The following RUFY2 variants were observed in gnomAD, a reference collection of about 807,000 sequenced individuals.
The protein encoded by RUFY2 is RUN and FYVE domain containing 2.
Under a neutral mutation model 94.4 loss-of-function variants are expected in RUFY2, and 49 were observed. That is an observed-to-expected ratio of 0.52 (90% CI 0.41 to 0.66). The LOEUF is 0.66. Ranked by LOEUF, RUFY2 falls within the 30% of genes least tolerant of loss-of-function variation. The pLI, the probability that RUFY2 is intolerant of heterozygous loss-of-function variation, is 0.00. For missense variants in RUFY2, 541 were observed against 692.8 expected, an observed-to-expected ratio of 0.78 and a Z score of 2.46; for synonymous variants, 255 against 235.7, an observed-to-expected ratio of 1.08 and a Z score of -0.75.
At chr10:68,363,495 C>T in intron 15 of RUFY2, 95 bp downstream of exon 15, 2 of 771,088 alleles carry the variant, frequency 2.6e-6, no homozygotes, top group Non-Finnish European at 2.0e-6. Context: ...CGTATCTTTC[C>T]TATATTTAAA....
Position 68,345,664 on chromosome 10 carries a change from A to G in RUFY2, c.*104T>C. 1 of 963,766 alleles carries G rather than the reference A, an allele frequency of 1.0e-6. No homozygotes were observed. The allele number at this position is 963,766 out of a possible 1,614,324, so 59.7% of individuals were successfully genotyped here. A position where few individuals can be genotyped will look rare whatever the true frequency, so the allele number is the denominator to read the frequency against. Reference sequence around the variant, plus strand: ...TGTAGAAGATAAACTGGTACCAAATACTGACCGAAAGCCGCTTAAGGAGAG... The same window carrying G: ...TGTAGAAGATAAACTGGTACCAAATGCTGACCGAAAGCCGCTTAAGGAGAG... On this transcript the variant is annotated 3_prime_UTR_variant, in exon 18 of 18. Transcript: ENST00000602465.
intron 7 of RUFY2, 94 bp downstream of exon 7, chr10:68,393,044 G>A: frequency 2.0e-6 from 1 of 509,344 alleles, no homozygotes; most frequent in Non-Finnish European, 3.4e-6. Flanking sequence ...CCTTCTCAAA[G>A]ACTCTTAGAA....
At chr10:68,398,279 T>G (rs986584317) in intron 3 of RUFY2, among the ~76,000 whole-genome samples, 6 of 152,064 alleles carry the variant, frequency 3.9e-5, no homozygotes, top group African/African-American at 1.4e-4. Context: ...TGCTTACTGG[T>G]TTTCAAATGT....
At chr10:68,391,096 G>A (rs920930777) in intron 7 of RUFY2, among the ~76,000 whole-genome samples, 1 of 151,606 alleles carries the variant, frequency 6.6e-6, no homozygotes. Context: ...CACCATGCCT[G>A]GCTAATTTTT....
At chr10:68,365,705 A>G (rs764091111) in intron 13 of RUFY2, among the ~76,000 whole-genome samples, 4 of 152,254 alleles carry the variant, frequency 2.6e-5, no homozygotes, top group Non-Finnish European at 4.4e-5. Context: ...TTGTGAACAT[A>G]ATTATGCAGT....
chr10:68,356,099 G>A (rs2047038834), intron 15 of RUFY2, among the ~76,000 whole-genome samples: 1 of 152,100 alleles, frequency 6.6e-6, no homozygotes, highest in Non-Finnish European at 1.5e-5. Context: ...TAAGAAGTCA[G>A]AGAGCTCCAA....
At chr10:68,370,467 T>G (rs1447752072) in intron 13 of RUFY2, among the ~76,000 whole-genome samples, 66 of 148,406 alleles carry the variant, frequency 4.4e-4, no homozygotes, top group Non-Finnish European at 8.8e-4. Flanking sequence ...TTTTTTTTTT[T>G]GAGACAGAGT....
chr10:68,380,105 G>A (rs927556451), intron 11 of RUFY2, among the ~76,000 whole-genome samples: 8 of 148,220 alleles, frequency 5.4e-5, no homozygotes, highest in African/African-American at 2.0e-4. Flanking sequence ...ACCGCACACG[G>A]CCCTTTTTTT....
At chr10:68,378,950 A>G (rs1423239656) in intron 12 of RUFY2, among the ~76,000 whole-genome samples, 2 of 152,210 alleles carry the variant, frequency 1.3e-5, no homozygotes, top group Non-Finnish European at 2.9e-5. Context: ...AAACAATTCA[A>G]TTTAAACAAA....
chr10:68,405,327 AGAAAAAGAAAGAAAG>A, intron 1 of RUFY2: 8 of 304,134 alleles, frequency 2.6e-5, no homozygotes, highest in Non-Finnish European at 3.3e-5. Flanking sequence ...AAAAAAAAAA[AGAAAAAGAAAGAAAG>A]AAAGAAAAAA....
intron 7 of RUFY2, among the ~76,000 whole-genome samples, chr10:68,389,081 T>C (rs2049774046): frequency 6.6e-6 from 1 of 151,478 alleles, no homozygotes; most frequent in Non-Finnish European, 1.5e-5. Context: ...GTTTTGGGTG[T>C]ATAGAGACAA....
In RUFY2 at chr10:68,393,145, G is replaced by T; in HGVS notation, c.643C>A (p.Gln215Lys). The T allele has an allele frequency of 6.6e-7, 1 of 1,513,472 alleles. No individual in the cohort carries two copies. 93.8% of individuals were successfully genotyped at this position (1,513,472 alleles called of 1,614,324 possible). ...QKNYVEELNR[Q>K]LNSTVSSLHS... ...AGTATCCATAATACTTACTTCAGTT[G>T]TCTATTTAATTCTTCAACATAATTC... Residue 215 changes from glutamine (Q) to lysine (K), a missense_variant, in exon 7 of 18, where the codon CAA (glutamine) becomes AAA (lysine). Around this residue, in one of 3 missense-constraint regions of RUFY2, gnomAD observed 403 missense variants for 480.7 expected, o/e 0.84. Transcript: ENST00000602465.
At chr10:68,379,195 G>A (rs1027075325) in intron 12 of RUFY2, 1 of 401,900 alleles carries the variant, frequency 2.5e-6, no homozygotes, top group African/African-American at 2.1e-5. Context: ...CTGATATTAG[G>A]CCTCTAAGAA....
chr10:68,363,015 AT>A (rs1342974148), intron 15 of RUFY2, among the ~76,000 whole-genome samples: 1 of 152,224 alleles, frequency 6.6e-6, no homozygotes. Context: ...TGAGAAAAAT[AT>A]ATTAATAACT....
At chr10:68,380,123 T>TA (rs2048950360) in intron 11 of RUFY2, among the ~76,000 whole-genome samples, 1 of 151,284 alleles carries the variant, frequency 6.6e-6, no homozygotes, top group Non-Finnish European at 1.5e-5. Flanking sequence ...TTTTTTTTTT[T>TA]AAGATGGGGT....
chr10:68,368,614 G>A (rs1048311783), intron 13 of RUFY2, among the ~76,000 whole-genome samples: 3 of 151,898 alleles, frequency 2.0e-5, no homozygotes, highest in Admixed American at 1.3e-4. Flanking sequence ...AGCCAAGATC[G>A]CGCCATTGCA....
chr10:68,394,486 C>T, intron 4 of RUFY2, 35 bp from the exon 5 acceptor site: 3 of 1,485,748 alleles, frequency 2.0e-6, no homozygotes, highest in East Asian at 2.3e-5. Flanking sequence ...CTTTAAATCA[C>T]AAATTTATTT....
chr10:68,386,093 G>C lies in RUFY2; in HGVS notation c.686C>G (p.Ser229Ter), dbSNP rs2049473642. ...TVSSLHSRVD[S>*]LEKSNTKLIE... ...CAGCTTAGTATTTGACTTTTCTAAT[G>C]AATCAACTCTTGAATGGAGGCTGCT... is the stretch of plus-strand genomic sequence containing the variant. Residue 229 changes from serine to a stop codon, truncating the protein, a stop_gained, in exon 8 of 18, where the codon TCA becomes TGA. Transcript: ENST00000602465. LOFTEE classifies it high-confidence loss of function. 6.2e-7 allele frequency: 1 copy of C among 1,612,608 alleles called. No individual in the cohort carries two copies. Among genetic ancestry groups the C allele is most frequent in the Non-Finnish European group, 8.5e-7 (1 of 1,179,306 alleles).
intron 3 of RUFY2, among the ~76,000 whole-genome samples, chr10:68,398,480 C>T (rs1373433867): frequency 4.6e-5 from 7 of 152,032 alleles, no homozygotes; most frequent in Admixed American, 6.6e-5. Context: ...GGTGAAACCC[C>T]GTCTCCACTA....
Sources: gnomAD v4.1 joint callset for allele counts (sites outside exome capture counted in the v4.1 genomes callset) on GRCh38, gnomAD v4.1.1 for gene constraint, gnomAD v4.1.1 regional missense constraint, MANE v1.5 for transcripts, NCBI Gene and HGNC (gene_info 2026-07-23, HGNC 2026-07-21) for gene names.